TCTN1: variants seen among roughly 807,000 people sequenced by gnomAD.
The protein encoded by TCTN1 is tectonic-1.
Under a neutral mutation model 65.8 loss-of-function variants are expected in TCTN1, and 58 were observed. That is an observed-to-expected ratio of 0.88 (90% CI 0.71 to 1.10). TCTN1 has a LOEUF of 1.10. TCTN1 is among the 50% of genes least tolerant of loss of function. The pLI, the probability that TCTN1 is intolerant of heterozygous loss-of-function variation, is 0.00. For synonymous variants in TCTN1, 273 were observed against 289.1 expected (o/e 0.94, Z 0.57); for missense variants, 645 against 719.4 (o/e 0.90, Z 1.18).
At chr12:110,647,372 C>A (rs1290769440) in intron 13 of TCTN1, 36 bp downstream of exon 13, 1 of 1,613,192 alleles carries the variant, frequency 6.2e-7, no homozygotes. Context: ...TAGGTTAAGA[C>A]AGAAGTCTAG....
rs1566003661 is a variant in TCTN1 at position 110,642,479 on chromosome 12, C to T, written c.1331+90C>T. The T allele has an allele frequency of 3.2e-6, 5 of 1,573,514 alleles. No homozygotes were observed. The South Asian group carries it at 4.5e-5, about 14-fold the overall frequency. ...CCCCATTTTAATCAAATCTCTGCATCAGCTGATGAGCTCACATGAAAGCCA... is the reference window on the plus strand; with the variant it reads ...CCCCATTTTAATCAAATCTCTGCATTAGCTGATGAGCTCACATGAAAGCCA... On this transcript the variant is annotated intron_variant, in intron 11 of 14. Coordinates refer to ENST00000397659, the MANE Select transcript of TCTN1 (RefSeq NM_001082538.3).
At position 110,640,534 on chromosome 12, in the gene TCTN1, G is replaced by A; in HGVS notation, c.978+17G>A. The A allele has an allele frequency of 6.2e-7, 1 of 1,614,096 alleles. No individual in the cohort carries two copies. Among genetic ancestry groups the A allele is most frequent in the South Asian group, 1.1e-5 (1 of 91,076 alleles). On this transcript the variant is annotated intron_variant, in intron 8 of 14. Coordinates refer to ENST00000397659, the MANE Select transcript of TCTN1 (RefSeq NM_001082538.3). The surrounding 1 kb of genome is among the most constrained non-coding windows in gnomAD (Gnocchi z 4.9). The stretch of plus-strand genomic sequence containing the variant: ...GTTCTTGAGGTAGGTGCCGAGTTTG[G>A]CTTTGAGAGCTTGTCTGTGGCAGAC...
chr12:110,633,745 CA>C (rs1162099029), intron 5 of TCTN1, among the ~76,000 whole-genome samples: 1 of 152,010 alleles, frequency 6.6e-6, no homozygotes, highest in Non-Finnish European at 1.5e-5. Context: ...TGGCAAAACT[CA>C]AAAAAACTGA....
chr12:110,620,105 T>C, intron 2 of TCTN1, 149 bp downstream of exon 2: 4 of 1,239,468 alleles, frequency 3.2e-6, no homozygotes, highest in Non-Finnish European at 4.6e-6. Flanking sequence ...CAAACAAATA[T>C]GTAAAAAAGT....
chr12:110,645,151 T>G, intron 12 of TCTN1, 22 bp downstream of exon 12: 3 of 1,613,074 alleles, frequency 1.9e-6, no homozygotes, highest in Non-Finnish European at 2.5e-6. Context: ...AAGGTACAGG[T>G]TCCATGCTAG....
chr12:110,646,569 G>T (rs558104519), intron 12 of TCTN1: 1 of 153,926 alleles, frequency 6.5e-6, no homozygotes, highest in African/African-American at 2.4e-5. Flanking sequence ...TTGGGTCAGA[G>T]GCCTTAGAGC....
intron 1 of TCTN1, among the ~76,000 whole-genome samples, chr12:110,618,456 G>A (rs1356714377): frequency 6.6e-6 from 1 of 152,042 alleles, no homozygotes; most frequent in Non-Finnish European, 1.5e-5. Flanking sequence ...AGCCAGGATG[G>A]TCTCAATCTC....
In TCTN1 at chr12:110,640,649, T is replaced by A; in HGVS notation, c.978+132T>A. ...TGTGGCTTTTCTTGGCTCAGCTGCCTGCTTGTCTTTCTGCTGTCTCATCAA... is the reference window on the plus strand; with the variant it reads ...TGTGGCTTTTCTTGGCTCAGCTGCCAGCTTGTCTTTCTGCTGTCTCATCAA... On this transcript the variant is annotated intron_variant, in intron 8 of 14. Transcript: ENST00000397659. This position sits in a 1 kb window ranked among gnomAD's most constrained non-coding sequence, Gnocchi z 4.9. 1 of 1,292,464 alleles carries A rather than the reference T, an allele frequency of 7.7e-7. No homozygotes were observed. The highest frequency in any genetic ancestry group is 1.1e-6 in the Non-Finnish European group (1 of 899,728). The allele number at this position is 1,292,464 out of a possible 1,614,324, so 80.1% of individuals were successfully genotyped here. A position where few individuals can be genotyped will look rare whatever the true frequency, so the allele number is the denominator to read the frequency against.
chr12:110,646,938 C>T (rs528074399), intron 12 of TCTN1: 28 of 473,358 alleles, frequency 5.9e-5, no homozygotes, highest in Admixed American at 4.4e-4. Flanking sequence ...TTGGCACTAC[C>T]GCAGTTTCAG....
In TCTN1 at chr12:110,614,195, G is replaced by A. The variant is rs1400492906; in HGVS notation, c.13G>A (p.Gly5Ser). The A allele has an allele frequency of 7.1e-6, 11 of 1,553,644 alleles. No individual in the cohort carries two copies. Among genetic ancestry groups the A allele is most frequent in the Non-Finnish European group, 8.7e-6 (10 of 1,149,394 alleles). Residue 5 changes from glycine (G) to serine (S), a missense_variant, in exon 1 of 15, where the codon GGT (glycine) becomes AGT (serine). Physicochemically the swap from Gly to Ser is moderately conservative, Grantham distance 56. Transcript: ENST00000397659. ...GACTCCCTGGGAGATGAGGCCGCGA[G>A]GTCTCCCGCCGCTCCTGGTGGTGCT... The part of the protein sequence containing the change: MRPR[G>S]LPPLLVVLLG...
chr12:110,614,467 A>G lies in TCTN1; in HGVS notation c.220+65A>G, dbSNP rs767323383. 4.7e-5 allele frequency: 73 copies of G among 1,551,564 alleles called. No individual in the cohort carries two copies. The East Asian group carries it at 9.7e-4, about 21-fold the overall frequency. On this transcript the variant is annotated intron_variant, in intron 1 of 14. Coordinates refer to ENST00000397659, the MANE Select transcript of TCTN1 (RefSeq NM_001082538.3). The stretch of plus-strand genomic sequence containing the variant: ...CAACCTCAAGGGGACAGCCCCGGTG[A>G]GGACGTAATAATGATAGCTAACTCT...
At chr12:110,620,017 AG>A in intron 2 of TCTN1, 61 bp downstream of exon 2, 1 of 1,612,778 alleles carries the variant, frequency 6.2e-7, no homozygotes, top group Non-Finnish European at 8.5e-7. Flanking sequence ...TACAATTTGG[AG>A]AAAGGGAAAA....
intron 2 of TCTN1, among the ~76,000 whole-genome samples, chr12:110,622,613 G>A (rs559716931): frequency 1.3e-5 from 2 of 152,248 alleles, no homozygotes; most frequent in South Asian, 2.1e-4. Context: ...AGGGAACTGC[G>A]TGGACAGAGA....
chr12:110,634,306 G>A, intron 5 of TCTN1: 1 of 441,158 alleles, frequency 2.3e-6, no homozygotes, highest in Non-Finnish European at 4.6e-6. Context: ...ACAAGAATTG[G>A]AGGGGGATTT....
At chr12:110,626,173 C>G (rs773373958) in intron 2 of TCTN1, among the ~76,000 whole-genome samples, 189 bp from the exon 3 acceptor site, 1 of 151,714 alleles carries the variant, frequency 6.6e-6, no homozygotes, top group Non-Finnish European at 1.5e-5. Flanking sequence ...ACTGCCAGCT[C>G]TGCCTCCTGG....
intron 14 of TCTN1, chr12:110,648,796 G>GTTTA: frequency 3.2e-6 from 1 of 309,302 alleles, no homozygotes; most frequent in South Asian, 2.7e-5. Flanking sequence ...AAAAGAGAGA[G>GTTTA]TTTATTTTAT....
In TCTN1 at chr12:110,630,831, C is replaced by T. The variant is rs149137990; in HGVS notation, c.625-1641C>T. 6.1e-3 allele frequency among the ~76,000 whole-genome samples: 934 copies of T among 152,314 alleles called. 5 individuals are homozygous for T. Among genetic ancestry groups the T allele is most frequent in the African/African-American group, 0.021 (890 of 41,556 alleles). ...TTGAGCATTTTCCATGTGCCAGGCACTGTGAAGAGCTTTTCAGGCATTACT... is the reference window on the plus strand; with the variant it reads ...TTGAGCATTTTCCATGTGCCAGGCATTGTGAAGAGCTTTTCAGGCATTACT... On this transcript the variant is annotated intron_variant, in intron 4 of 14. Coordinates refer to ENST00000397659, the MANE Select transcript of TCTN1 (RefSeq NM_001082538.3).
intron 1 of TCTN1, chr12:110,616,209 G>A: frequency 2.4e-6 from 1 of 422,868 alleles, no homozygotes; most frequent in South Asian, 1.7e-5. Flanking sequence ...GTTCAAGGCT[G>A]TTTTTCCAGT....
Position 110,644,879 on chromosome 12 carries a change from C to T in TCTN1, c.1332-88C>T, listed in dbSNP as rs185519065. 8.8e-3 allele frequency: 13,732 copies of T among 1,558,656 alleles called. 69 individuals carry two copies. Among genetic ancestry groups the T allele is most frequent in the Non-Finnish European group, 1.0e-2 (11,302 of 1,134,218 alleles). ...AGACCTTATCTCAAAAATAAATAAACAAAGGGAAGGAAAGGAAGAAGAAAA... is the reference window on the plus strand; with the variant it reads ...AGACCTTATCTCAAAAATAAATAAATAAAGGGAAGGAAAGGAAGAAGAAAA... On this transcript the variant is annotated intron_variant, in intron 11 of 14. Coordinates refer to ENST00000397659, the MANE Select transcript of TCTN1 (RefSeq NM_001082538.3). The surrounding 1 kb of genome is among the most constrained non-coding windows in gnomAD (Gnocchi z 4.6).
Sources: gnomAD v4.1 joint callset for allele counts (sites outside exome capture counted in the v4.1 genomes callset) on GRCh38, gnomAD v4.1.1 for gene constraint, Gnocchi (gnomAD v3.1) non-coding constraint, MANE v1.5 for transcripts, NCBI Gene and HGNC (gene_info 2026-07-23, HGNC 2026-07-21) for gene names.